Variants in L3HYPDH observed in about 807,000 individuals in gnomAD.
L3HYPDH encodes the protein trans-3-hydroxy-L-proline dehydratase.
In L3HYPDH, 32 loss-of-function variants were observed where a neutral mutation model predicts 26.5. The observed-to-expected ratio is 1.21, with a 90% CI of 0.91 to 1.62. The LOEUF (loss-of-function observed/expected upper bound fraction) is 1.62. Ranked by LOEUF, L3HYPDH falls within the 40% of genes most tolerant of loss-of-function variation. The probability of loss-of-function intolerance (pLI) is 0.00; values close to 1 mark genes in which losing one functional copy is unlikely to be tolerated. For synonymous variants in L3HYPDH, 215 were observed against 196.6 expected (o/e 1.09, Z -0.78); for missense variants, 554 against 476.4 (o/e 1.16, Z -1.52).
At chr14:59,480,259 G>GA (rs1424448135) in intron 1 of L3HYPDH, among the ~76,000 whole-genome samples, 2 of 152,228 alleles carry the variant, frequency 1.3e-5, no homozygotes, top group African/African-American at 4.8e-5. Flanking sequence ...TCTCCCTTGA[G>GA]AAGAGTGGAG....
chr14:59,491,290 A>G, the L3HYPDH span, among the ~76,000 whole-genome samples: 12 of 152,182 alleles, frequency 7.9e-5, no homozygotes, highest in Non-Finnish European at 1.5e-4. Context: ...GAAATAGAGA[A>G]GACGATGCTG....
chr14:59,495,343 G>A, the L3HYPDH span: 20 of 683,614 alleles, frequency 2.9e-5, no homozygotes, highest in East Asian at 2.7e-4. Context: ...GTCTGCCAGC[G>A]GCTTTATTAC....
At chr14:59,489,508 T>C in the L3HYPDH span, among the ~76,000 whole-genome samples, 1 of 152,202 alleles carries the variant, frequency 6.6e-6, no homozygotes, top group Non-Finnish European at 1.5e-5. Context: ...CACAGCCACT[T>C]AAGGCTCTAA....
the L3HYPDH span, among the ~76,000 whole-genome samples, chr14:59,492,425 T>TA: frequency 1.3e-5 from 2 of 152,138 alleles, no homozygotes; most frequent in African/African-American, 2.4e-5. Flanking sequence ...CTTAAAGTCT[T>TA]ACACCTCACA....
chr14:59,505,183 A>G, the L3HYPDH span: 5 of 879,100 alleles, frequency 5.7e-6, no homozygotes, highest in African/African-American at 6.8e-5. Context: ...AAGTAAGTGC[A>G]CTCACTTTTC....
In L3HYPDH at chr14:59,484,012, G is replaced by T. The variant is rs143566183; in HGVS notation, c.305C>A (p.Ser102Tyr). Reference sequence around the variant, plus strand: ...CGCCAGCACTGCGTGGCCGCACATGGAGCTGTAGCCCTCGTTGTGCAGGAA... The same window carrying T: ...CGCCAGCACTGCGTGGCCGCACATGTAGCTGTAGCCCTCGTTGTGCAGGAA... The part of the protein sequence containing the change: ...VLFLHNEGYS[S>Y]MCGHAVLALG... The change falls in exon 1 of 5, where the codon TCC (serine) becomes TAC (tyrosine). Residue 102 changes from serine (S) to tyrosine (Y), a missense_variant. Coordinates refer to ENST00000247194, the MANE Select transcript of L3HYPDH (RefSeq NM_144581.2). The T allele has an allele frequency of 2.2e-4, 357 of 1,601,622 alleles. No individual in the cohort carries two copies. The East Asian group carries it at 5.3e-3, about 24-fold the overall frequency.
At chr14:59,483,775 C>G (rs754434470) in intron 1 of L3HYPDH, 34 bp downstream of exon 1, 12 of 1,584,306 alleles carry the variant, frequency 7.6e-6, no homozygotes, top group Middle Eastern at 3.3e-4. Context: ...CCGGTTGCAG[C>G]TCTGCCCTGG....
At chr14:59,484,581 A>G (rs1422232869), upstream of L3HYPDH, 3 of 1,576,106 alleles carry the variant, frequency 1.9e-6, no homozygotes, top group African/African-American at 1.4e-5. Context: ...AAAAACCTTC[A>G]GGCGGCCCAT....
chr14:59,502,311 C>G, the L3HYPDH span, among the ~76,000 whole-genome samples: 3 of 152,182 alleles, frequency 2.0e-5, no homozygotes, highest in Admixed American at 2.0e-4. Context: ...TGTCTCAGTA[C>G]TCTTCCATCC....
the L3HYPDH span, among the ~76,000 whole-genome samples, chr14:59,492,933 G>A: frequency 6.6e-6 from 1 of 151,908 alleles, no homozygotes; most frequent in African/African-American, 2.4e-5. Flanking sequence ...GAGTAGCTGG[G>A]ACTACAGGCG....
rs953844049 is a variant in L3HYPDH, at chr14:59,484,123, A to T, written c.194T>A (p.Leu65His). The change falls in exon 1 of 5, where the codon CTC becomes CAC. Residue 65 changes from leucine to histidine, a missense_variant. Coordinates refer to ENST00000247194, the MANE Select transcript of L3HYPDH (RefSeq NM_144581.2). ...RQHLDHVRRR[L>H]MFEPRGHRDM... ...CCGGTGCCCTCGGGGCTCGAACATG[A>T]GCCGTCGCCGCACGTGGTCAAGGTG... 2.5e-6 allele frequency: 4 copies of T among 1,603,164 alleles called. No homozygotes were observed. The highest frequency in any genetic ancestry group is 4.5e-5 in the East Asian group (2 of 44,788).
the L3HYPDH span, among the ~76,000 whole-genome samples, chr14:59,497,437 T>C: frequency 1.3e-5 from 2 of 152,284 alleles, no homozygotes; most frequent in East Asian, 3.9e-4. Flanking sequence ...CAGAAACTAG[T>C]TTCCTAGTTC....
upstream of L3HYPDH, among the ~76,000 whole-genome samples, chr14:59,486,335 C>T (rs1004689832): frequency 6.6e-6 from 1 of 152,122 alleles, no homozygotes; most frequent in Admixed American, 6.5e-5. Context: ...CCTGACTGGG[C>T]AAAATACAAG....
At chr14:59,480,497 A>G (rs998166561) in intron 1 of L3HYPDH, among the ~76,000 whole-genome samples, 1 of 152,226 alleles carries the variant, frequency 6.6e-6, no homozygotes, top group Non-Finnish European at 1.5e-5. Flanking sequence ...GCTCACACAT[A>G]TCAGGAAAGG....
the L3HYPDH span, among the ~76,000 whole-genome samples, chr14:59,493,531 A>G: frequency 7.9e-5 from 12 of 152,352 alleles, no homozygotes; most frequent in Admixed American, 2.0e-4. Context: ...GCAATGATAC[A>G]TAATGGAAAC....
intron 1 of L3HYPDH, among the ~76,000 whole-genome samples, chr14:59,467,437 A>G (rs1248365961): frequency 6.6e-6 from 1 of 152,176 alleles, no homozygotes; most frequent in Non-Finnish European, 1.5e-5. Flanking sequence ...GAGGGCCGTG[A>G]GCAAGTGCAT....
At chr14:59,474,587 A>C (rs1337282082) in intron 4 of L3HYPDH, 27 of 695,274 alleles carry the variant, frequency 3.9e-5, no homozygotes, top group South Asian at 1.7e-4. Context: ...TATAATGCTT[A>C]ACAGCATGTG....
chr14:59,484,441 G>A (rs1890338178), upstream of L3HYPDH: 1 of 1,369,106 alleles, frequency 7.3e-7, no homozygotes, highest in Non-Finnish European at 1.0e-6. Context: ...GGGTCTCGGA[G>A]CCTAAACCCG....
the L3HYPDH span, chr14:59,504,006 T>C: frequency 1.2e-6 from 2 of 1,613,852 alleles, no homozygotes; most frequent in South Asian, 1.1e-5. Flanking sequence ...CAGCCCTTTT[T>C]TACTTGTTCA....
Sources: allele counts gnomAD v4.1 joint callset (sites outside exome capture counted in the v4.1 genomes callset), GRCh38; gene constraint gnomAD v4.1.1; transcripts MANE v1.5; gene names NCBI Gene and HGNC (gene_info 2026-07-23, HGNC 2026-07-21).